Variants in CSMD1 observed in about 807,000 individuals in gnomAD.
CSMD1 encodes CUB and sushi domain-containing protein 1.
CSMD1 carries 213 observed loss-of-function variants against 417.5 expected under a neutral mutation model. The observed-to-expected ratio is 0.51, with a 90% CI of 0.46 to 0.57. The LOEUF is 0.57. Ranked by LOEUF, CSMD1 falls within the 20% of genes least tolerant of loss-of-function variation. CSMD1 has a pLI of 0.00. For missense variants in CSMD1, 6,923 were observed against 4,529.7 expected (o/e 1.53, Z -15.17); for synonymous variants, 2,862 against 1,736.8 (o/e 1.65, Z -16.11).
intron 3 of CSMD1, among the ~76,000 whole-genome samples, chr8:4,137,807 C>A (rs1263152835): frequency 1.3e-5 from 1 of 77,416 alleles, no homozygotes; most frequent in South Asian, 4.6e-4. Flanking sequence ...ATTAATTTTC[C>A]CCTTACATTA....
intron 3 of CSMD1, among the ~76,000 whole-genome samples, chr8:4,094,376 G>C (rs898533912): frequency 1.3e-5 from 2 of 151,958 alleles, no homozygotes; most frequent in Non-Finnish European, 2.9e-5. Context: ...GGAAAGAGTG[G>C]GTCATATTTA....
At chr8:3,121,770 G>A (rs1246687974) in intron 41 of CSMD1, among the ~76,000 whole-genome samples, 2 of 152,088 alleles carry the variant, frequency 1.3e-5, no homozygotes, top group Non-Finnish European at 2.9e-5. Context: ...CTGCACTCCA[G>A]CCTGGGTGAC....
rs17419232 is a variant in CSMD1, at chr8:4,767,359, T to C, written c.86-129801A>G. Among the ~76,000 whole-genome samples, 1,224 of 152,292 alleles carry C rather than the reference T, an allele frequency of 8.0e-3. 13 individuals carry two copies. The highest frequency in any genetic ancestry group is 0.02 in the Middle Eastern group (6 of 294). On this transcript the variant is annotated intron_variant, in intron 1 of 69. Transcript: ENST00000635120. ...GTAGAGACTTGTGAAGAAAATCACA[T>C]TTGCCTTTACGAAACATAATCCCTT... is the stretch of plus-strand genomic sequence containing the variant.
chr8:3,552,661 T>C (rs1798968714), intron 10 of CSMD1, among the ~76,000 whole-genome samples: 1 of 152,216 alleles, frequency 6.6e-6, no homozygotes. Context: ...TGCAAGAGTA[T>C]TCACATCAAC....
intron 1 of CSMD1, among the ~76,000 whole-genome samples, chr8:4,994,110 G>T (rs1000938754): frequency 2.0e-5 from 3 of 152,290 alleles, no homozygotes; most frequent in South Asian, 2.1e-4. Flanking sequence ...GCCCAAGAGA[G>T]GGGGAAGGAA....
chr8:3,549,141 C>T (rs1424098499), intron 10 of CSMD1, among the ~76,000 whole-genome samples: 2 of 152,186 alleles, frequency 1.3e-5, no homozygotes, highest in Non-Finnish European at 2.9e-5. Context: ...TGCTTTGCTT[C>T]TAGATTGGGT....
intron 3 of CSMD1, among the ~76,000 whole-genome samples, chr8:4,358,281 C>T (rs571861611): frequency 7.2e-5 from 11 of 152,278 alleles, no homozygotes; most frequent in African/African-American, 2.2e-4. Flanking sequence ...GTGTGGAGCG[C>T]GGCCATGGGC....
chr8:4,253,569 G>C (rs1222492234), intron 3 of CSMD1, among the ~76,000 whole-genome samples: 2 of 152,080 alleles, frequency 1.3e-5, no homozygotes, highest in African/African-American at 2.4e-5. Flanking sequence ...ATTTGATCTG[G>C]TATACTTCAA....
At chr8:4,366,498 C>T (rs1341721633) in intron 3 of CSMD1, among the ~76,000 whole-genome samples, 1 of 152,184 alleles carries the variant, frequency 6.6e-6, no homozygotes, top group Non-Finnish European at 1.5e-5. Flanking sequence ...TTCGATAAAA[C>T]TCCACAGTTT....
At chr8:4,875,417 G>A (rs771330927) in intron 1 of CSMD1, among the ~76,000 whole-genome samples, 2 of 151,992 alleles carry the variant, frequency 1.3e-5, no homozygotes, top group African/African-American at 2.4e-5. Flanking sequence ...GTTAAACAGG[G>A]GAGGGAGTTC....
chr8:2,956,836 C>T (rs1296774499), intron 63 of CSMD1, among the ~76,000 whole-genome samples: 4 of 151,914 alleles, frequency 2.6e-5, no homozygotes, highest in Non-Finnish European at 5.9e-5. Flanking sequence ...CAACAAATAC[C>T]TGATATTATC....
chr8:4,338,884 C>T (rs370457852), intron 3 of CSMD1, among the ~76,000 whole-genome samples: 1 of 151,946 alleles, frequency 6.6e-6, no homozygotes. Flanking sequence ...AGAAGAGAAC[C>T]TTTTACTAGA....
chr8:4,822,079 G>C (rs1235530603), intron 1 of CSMD1, among the ~76,000 whole-genome samples: 2 of 151,766 alleles, frequency 1.3e-5, no homozygotes, highest in Admixed American at 1.3e-4. Flanking sequence ...TTCTTTTCGG[G>C]TTCAGTAAAA....
At chr8:3,172,636 C>T (rs1207115448) in intron 37 of CSMD1, among the ~76,000 whole-genome samples, 1 of 152,040 alleles carries the variant, frequency 6.6e-6, no homozygotes, top group African/African-American at 2.4e-5. Flanking sequence ...ACGTAGGGAA[C>T]CTACAGGACA....
At chr8:4,947,500 G>T (rs1808449156) in intron 1 of CSMD1, among the ~76,000 whole-genome samples, 1 of 152,078 alleles carries the variant, frequency 6.6e-6, no homozygotes, top group African/African-American at 2.4e-5. Flanking sequence ...TGAGAACCAT[G>T]TGGTAATAAC....
At chr8:3,305,710 C>G (rs1315768377) in intron 25 of CSMD1, among the ~76,000 whole-genome samples, 1 of 152,174 alleles carries the variant, frequency 6.6e-6, no homozygotes, top group African/African-American at 2.4e-5. Context: ...GAGACACAGT[C>G]TCACTGTTGC....
chr8:4,065,080 A>T (rs1011615913), intron 3 of CSMD1, among the ~76,000 whole-genome samples: 1 of 152,252 alleles, frequency 6.6e-6, no homozygotes, highest in Middle Eastern at 3.2e-3. Context: ...TTTACCGAAT[A>T]TAAAAATTGT....
intron 2 of CSMD1, among the ~76,000 whole-genome samples, chr8:4,454,769 G>A (rs762156794): frequency 6.6e-6 from 1 of 152,174 alleles, no homozygotes; most frequent in Non-Finnish European, 1.5e-5. Context: ...GTCTGAAATA[G>A]CCATTCTAAA....
intron 1 of CSMD1, among the ~76,000 whole-genome samples, chr8:4,644,065 T>C (rs192884836): frequency 2.1e-4 from 32 of 152,324 alleles, no homozygotes; most frequent in Admixed American, 3.3e-4. Context: ...GCAGCCTGCC[T>C]GAAAGAGAGC....
Sources: allele counts gnomAD v4.1 joint callset (sites outside exome capture counted in the v4.1 genomes callset), GRCh38; gene constraint gnomAD v4.1.1; transcripts MANE v1.5; gene names NCBI Gene and HGNC (gene_info 2026-07-23, HGNC 2026-07-21).